The following ASIC2 variants were observed in gnomAD, a reference collection of about 807,000 sequenced individuals.
ASIC2 encodes the protein acid sensing ion channel subunit 2.
Under a neutral mutation model 57.3 loss-of-function variants are expected in ASIC2, and 25 were observed. The ratio of observed to expected loss-of-function variants is 0.44; its 90% CI spans 0.32 to 0.61. The LOEUF (loss-of-function observed/expected upper bound fraction) is 0.61, where lower values mean the gene tolerates loss of function less well. Among genes scored for constraint, ASIC2 ranks in the 20% least tolerant of loss-of-function variants. The pLI is 0.06. For synonymous variants in ASIC2, 319 were observed against 307.5 expected (o/e 1.04, Z -0.39); for missense variants, 641 against 738.1 (o/e 0.87, Z 1.52).
chr17:33,322,124 G>C (rs1000527808), intron 1 of ASIC2, among the ~76,000 whole-genome samples: 4 of 152,194 alleles, frequency 2.6e-5, no homozygotes, highest in African/African-American at 9.7e-5. Flanking sequence ...TCTTGAACAC[G>C]TGGGAGTGGA....
At chr17:33,764,356 G>A (rs1910873180) in intron 1 of ASIC2, among the ~76,000 whole-genome samples, 1 of 150,822 alleles carries the variant, frequency 6.6e-6, no homozygotes, top group Non-Finnish European at 1.5e-5. Flanking sequence ...GAATGAGAAT[G>A]TACTGTCCTG....
At chr17:33,170,682 C>G (rs1410178488) in intron 1 of ASIC2, among the ~76,000 whole-genome samples, 1 of 152,176 alleles carries the variant, frequency 6.6e-6, no homozygotes, top group South Asian at 2.1e-4. Flanking sequence ...GGCTAGAAAC[C>G]CAGCAGGACA....
chr17:33,551,152 C>T (rs1188748282), intron 1 of ASIC2, among the ~76,000 whole-genome samples: 1 of 152,166 alleles, frequency 6.6e-6, no homozygotes, highest in Non-Finnish European at 1.5e-5. Context: ...AAAATAATTG[C>T]TGTTAACATT....
At chr17:33,515,969 C>T (rs763152135) in intron 1 of ASIC2, among the ~76,000 whole-genome samples, 14 of 152,060 alleles carry the variant, frequency 9.2e-5, no homozygotes, top group Non-Finnish European at 1.2e-4. Context: ...TGGTGGTGTG[C>T]GCCTGTAGTC....
intron 1 of ASIC2, among the ~76,000 whole-genome samples, chr17:33,582,747 C>T (rs905012598): frequency 6.6e-6 from 1 of 152,186 alleles, no homozygotes; most frequent in South Asian, 2.1e-4. Context: ...TTGGTCTCCA[C>T]ACCCCACCCC....
chr17:33,772,681 A>G (rs998052884), intron 1 of ASIC2, among the ~76,000 whole-genome samples: 1 of 152,192 alleles, frequency 6.6e-6, no homozygotes, highest in African/African-American at 2.4e-5. Flanking sequence ...ACGAGGAAGA[A>G]AGGGAACTAA....
chr17:33,849,627 T>C (rs317397), intron 1 of ASIC2, among the ~76,000 whole-genome samples: 49,315 of 151,902 alleles, frequency 0.32, 8,571 homozygotes, highest in East Asian at 0.49. Flanking sequence ...GCCTTCCCCT[T>C]GAGTATGGAA....
At chr17:33,315,421 C>A (rs1214609440) in intron 1 of ASIC2, among the ~76,000 whole-genome samples, 1 of 152,134 alleles carries the variant, frequency 6.6e-6, no homozygotes, top group African/African-American at 2.4e-5. Flanking sequence ...TTCTTATAAA[C>A]CCTGCATTTG....
At chr17:33,321,245 T>G (rs1906856540) in intron 1 of ASIC2, among the ~76,000 whole-genome samples, 1 of 152,210 alleles carries the variant, frequency 6.6e-6, no homozygotes, top group Non-Finnish European at 1.5e-5. Flanking sequence ...AGCCTAAGTG[T>G]AATATTTTAC....
chr17:33,664,122 C>G (rs1046221565), intron 1 of ASIC2, among the ~76,000 whole-genome samples: 2 of 152,296 alleles, frequency 1.3e-5, no homozygotes, highest in Middle Eastern at 3.4e-3. Flanking sequence ...TGCACACTTA[C>G]GACGTCAGCC....
At chr17:33,453,262 T>C (rs1434240634) in intron 1 of ASIC2, among the ~76,000 whole-genome samples, 2 of 148,198 alleles carry the variant, frequency 1.3e-5, no homozygotes, top group Non-Finnish European at 3.0e-5. Flanking sequence ...GGGACACTCC[T>C]CTTCCTTTCT....
At chr17:33,847,772 G>A (rs1913651568) in intron 1 of ASIC2, among the ~76,000 whole-genome samples, 1 of 152,168 alleles carries the variant, frequency 6.6e-6, no homozygotes, top group Non-Finnish European at 1.5e-5. Context: ...ATGCACAGTA[G>A]CACAGAGGAA....
At chr17:33,785,330 A>G (rs1272900338) in intron 1 of ASIC2, among the ~76,000 whole-genome samples, 1 of 152,198 alleles carries the variant, frequency 6.6e-6, no homozygotes, top group Non-Finnish European at 1.5e-5. Context: ...CAATTTCTGT[A>G]GTTTAAGCCA....
intron 3 of ASIC2, among the ~76,000 whole-genome samples, chr17:33,060,539 T>C (rs1056073029): frequency 6.6e-5 from 10 of 152,242 alleles, no homozygotes; most frequent in African/African-American, 2.4e-4. Context: ...TTGGTACAAG[T>C]ACCATGCTGT....
In ASIC2 at chr17:33,289,776, T is replaced by C. The variant is rs1005429879; in HGVS notation, c.708+1632A>G. ...CAATTCCACACACTTTGCAAAGCAATAGTCAGATTTTCAGAATTACATTTG... is the reference window on the plus strand; with the variant it reads ...CAATTCCACACACTTTGCAAAGCAACAGTCAGATTTTCAGAATTACATTTG... On this transcript the variant is annotated intron_variant, in intron 1 of 9. Coordinates refer to ENST00000225823, the MANE Select transcript of ASIC2 (RefSeq NM_183377.2). 1.7e-4 allele frequency among the ~76,000 whole-genome samples: 26 copies of C among 152,292 alleles called. No homozygotes were observed. In the East Asian group the frequency reaches 1.7e-3, roughly 10 times the overall value.
Position 33,938,439 on chromosome 17 carries a change from G to C in ASIC2, c.555+217539C>G, listed in dbSNP as rs139988271. Among the ~76,000 whole-genome samples the C allele has an allele frequency of 3.4e-4, 52 of 152,234 alleles. No individual in the cohort carries two copies. In the East Asian group the frequency reaches 9.3e-3, roughly 27 times the overall value. ...TCTGAACCCTTACCAGCTCCTACTA[G>C]CTCCCTTCTTCTGGAAAAGGTGTCA... On this transcript the variant is annotated intron_variant, in intron 1 of 9. Coordinates refer to the ASIC2 transcript ENST00000359872.
chr17:33,453,110 T>A (rs1912321347), intron 1 of ASIC2, among the ~76,000 whole-genome samples: 1 of 152,134 alleles, frequency 6.6e-6, no homozygotes, highest in Non-Finnish European at 1.5e-5. Flanking sequence ...GAATATCACA[T>A]GGTCTTCCCT....
intron 1 of ASIC2, among the ~76,000 whole-genome samples, chr17:33,458,778 T>C (rs764280751): frequency 6.6e-6 from 1 of 152,200 alleles, no homozygotes; most frequent in Non-Finnish European, 1.5e-5. Context: ...ATTTCTATGA[T>C]CTCTTCCAGT....
intron 1 of ASIC2, among the ~76,000 whole-genome samples, chr17:33,500,166 T>A (rs1193422480): frequency 6.6e-6 from 1 of 152,220 alleles, no homozygotes. Flanking sequence ...TCTTGGGAAC[T>A]GTAAGTAGGA....
Sources: allele counts gnomAD v4.1 joint callset (sites outside exome capture counted in the v4.1 genomes callset), GRCh38; gene constraint gnomAD v4.1.1; transcripts MANE v1.5; gene names NCBI Gene and HGNC (gene_info 2026-07-23, HGNC 2026-07-21).